MTOR: variants seen among roughly 807,000 people sequenced by gnomAD.
MTOR encodes mechanistic target of rapamycin kinase, also known as serine/threonine-protein kinase mTOR.
A neutral mutation model predicts 319.8 loss-of-function variants in MTOR; 70 were observed. The observed-to-expected ratio is 0.22, with a 90% confidence interval of 0.18 to 0.27. MTOR has a LOEUF of 0.27. Ranked by LOEUF, MTOR falls within the 10% of genes least tolerant of loss-of-function variation. MTOR has a pLI of 1.00. For synonymous variants in MTOR, 1,183 were observed against 1,211.4 expected, an observed-to-expected ratio of 0.98 and a Z score of 0.49; for missense variants, 1,890 against 3,274.4, an observed-to-expected ratio of 0.58 and a Z score of 10.32.
intron 19 of MTOR, among the ~76,000 whole-genome samples, chr1:11,218,545 G>A (rs1319312451): frequency 2.0e-5 from 3 of 152,130 alleles, no homozygotes; most frequent in African/African-American, 4.8e-5. Context: ...TAAGCTGGAG[G>A]AAAACAGGCC....
rs745775981 is a variant in MTOR, at chr1:11,228,702, T to A, written c.2996A>T (p.Asn999Ile). The change falls in exon 19 of 58, where the codon AAC becomes ATC. Residue 999 changes from asparagine (N) to isoleucine (I), a missense_variant. By Grantham distance (149) the Asn-to-Ile change is moderately radical (BLOSUM62 -3). Transcript: ENST00000361445. Reference protein sequence around the residue: ...FLPQVMPTFLNVIRVCDGAIR... With the variant: ...FLPQVMPTFLIVIRVCDGAIR... ...GGCCCCATCACAGACTCGAATGACGTTAAGGAACGTGGGCATGACCTGGGG... is the reference window on the plus strand; with the variant it reads ...GGCCCCATCACAGACTCGAATGACGATAAGGAACGTGGGCATGACCTGGGG... 2 of 1,613,978 alleles carry A rather than the reference T, an allele frequency of 1.2e-6. No homozygotes were observed. The highest frequency in any genetic ancestry group is 3.3e-5 in the Admixed American group (2 of 59,968).
intron 20 of MTOR, among the ~76,000 whole-genome samples, chr1:11,214,039 C>T (rs1646394247): frequency 6.6e-6 from 1 of 152,182 alleles, no homozygotes; most frequent in Non-Finnish European, 1.5e-5. Context: ...ATCTCTGTAT[C>T]CCCAGAATCT....
At position 11,209,383 on chromosome 1, in the gene MTOR, C is replaced by T. The variant is rs1281726992; in HGVS notation, c.3730G>A (p.Ala1244Thr). Residue 1244 changes from alanine to threonine, a missense_variant, in exon 25 of 58, where the codon GCA (alanine) becomes ACA (threonine). Coordinates refer to ENST00000361445, the MANE Select transcript of MTOR (RefSeq NM_004958.4). ...HRMLRSGQGD[A>T]LASGPVETGP... ...GTTTCCACTGGTCCACTAGCCAATG[C>T]ATCCCCTTGGCCACTCCTAAGCATC... The T allele has an allele frequency of 1.9e-6, 3 of 1,614,040 alleles. No individual in the cohort carries two copies. The highest frequency in any genetic ancestry group is 2.5e-6 in the Non-Finnish European group (3 of 1,179,998).
chr1:11,182,794 G>A (rs763343007), intron 28 of MTOR, among the ~76,000 whole-genome samples: 17 of 152,140 alleles, frequency 1.1e-4, no homozygotes, highest in Admixed American at 2.0e-4. Context: ...GCTGCACGTC[G>A]CAACAGCTTT....
intron 26 of MTOR, among the ~76,000 whole-genome samples, chr1:11,203,675 G>C (rs1646049556): frequency 6.6e-6 from 1 of 152,096 alleles, no homozygotes; most frequent in Non-Finnish European, 1.5e-5. Flanking sequence ...CTCAAAAAAA[G>C]AAAAAATAAA....
Position 11,234,242 on chromosome 1 carries a change from A to G in MTOR, c.2232T>C (p.Ser744=), listed in dbSNP as rs200165848. The G allele has an allele frequency of 2.0e-5, 33 of 1,613,890 alleles. No homozygotes were observed. In the East Asian group the frequency reaches 4.5e-4, roughly 22 times the overall value. Residue 744 remains serine, a synonymous_variant, in exon 14 of 58, where the codon AGT becomes AGC. Transcript: ENST00000361445. ...TCTGCTCTTTGATTCTTCCAATCCC[A>G]CTGTGCTCCAACTCTGTCAAAATCT... The part of the protein sequence containing the change: ...LIQILTELEH[S]GIGRIKEQSA...
At chr1:11,140,856 ATCAT>A (rs1358392377) in intron 34 of MTOR, among the ~76,000 whole-genome samples, 2 of 152,208 alleles carry the variant, frequency 1.3e-5, no homozygotes, top group Admixed American at 1.3e-4. Flanking sequence ...TTTAAAATGT[ATCAT>A]TCAAAGTTGA....
intron 20 of MTOR, 136 bp from the exon 21 acceptor site, chr1:11,213,702 C>T: frequency 3.9e-6 from 3 of 767,412 alleles, no homozygotes; most frequent in Non-Finnish European, 6.3e-6. Context: ...CACTCCCCTC[C>T]TCCCACTGGG....
chr1:11,109,653 A>C lies in MTOR; in HGVS notation c.7443T>G (p.Ser2481=). Residue 2481 remains serine, a synonymous_variant, in exon 55 of 58, where the codon TCT becomes TCG. Coordinates refer to ENST00000361445, the MANE Select transcript of MTOR (RefSeq NM_004958.4). The surrounding 1 kb of genome is among the most constrained non-coding windows in gnomAD (Gnocchi z 4.0). ...TTCCTCAGAGGCTGAACTTACTGAA[A>C]GAATGAATAGATTCTGGCACTGTGG... is the stretch of plus-strand genomic sequence containing the variant. ...TGTTVPESIH[S]FIGDGLVKPE... The C allele has an allele frequency of 2.5e-6, 4 of 1,614,106 alleles. No homozygotes were observed. Among genetic ancestry groups the C allele is most frequent in the Non-Finnish European group, 3.4e-6 (4 of 1,179,950 alleles).
intron 28 of MTOR, among the ~76,000 whole-genome samples, chr1:11,171,851 A>G (rs1644824228): frequency 6.6e-6 from 1 of 152,004 alleles, no homozygotes; most frequent in African/African-American, 2.4e-5. Context: ...GCTGGCCAAC[A>G]TGGTGAAACC....
At chr1:11,147,488 A>G (rs930110040) in intron 31 of MTOR, among the ~76,000 whole-genome samples, 2 of 152,200 alleles carry the variant, frequency 1.3e-5, no homozygotes, top group African/African-American at 4.8e-5. Flanking sequence ...TGCAGAAAAG[A>G]TATCAGCTTC....
chr1:11,241,711 G>C (rs758186482), intron 9 of MTOR, 30 bp from the exon 10 acceptor site: 1 of 1,588,668 alleles, frequency 6.3e-7, no homozygotes, highest in Non-Finnish European at 8.6e-7. Flanking sequence ...GGCTAGTTGA[G>C]ACATAATGAC....
At chr1:11,228,946 A>G (rs372991519) in intron 18 of MTOR, 28 bp from the exon 19 acceptor site, 1 of 1,610,552 alleles carries the variant, frequency 6.2e-7, no homozygotes, top group African/African-American at 1.3e-5. Context: ...AGAGTGTTAG[A>G]GCTACACATG....
chr1:11,199,174 G>T lies in MTOR; in HGVS notation c.4253+84C>A. On this transcript the variant is annotated intron_variant, in intron 28 of 57. Transcript: ENST00000361445. The surrounding 1 kb of genome is among the most constrained non-coding windows in gnomAD (Gnocchi z 4.5). ...TTTCACAGAGCAGAAGTCTTCAAGT[G>T]ACTCCAGTGAAGTGGCACCAGGCAG... 6.4e-7 allele frequency: 1 copy of T among 1,561,234 alleles called. No individual in the cohort carries two copies. The highest frequency in any genetic ancestry group is 8.8e-7 in the Non-Finnish European group (1 of 1,135,386).
At chr1:11,198,539 T>C (rs1321270149) in intron 28 of MTOR, among the ~76,000 whole-genome samples, 1 of 152,148 alleles carries the variant, frequency 6.6e-6, no homozygotes, top group Non-Finnish European at 1.5e-5. Flanking sequence ...CTAAACTATC[T>C]GCAGTGAAAT....
chr1:11,249,680 AT>A (rs993240500), intron 6 of MTOR, among the ~76,000 whole-genome samples: 7 of 138,956 alleles, frequency 5.0e-5, no homozygotes, highest in African/African-American at 1.8e-4. Flanking sequence ...ACCGCCCTTA[AT>A]CCATTTAACC....
At chr1:11,222,188 TA>T (rs202079521) in intron 19 of MTOR, among the ~76,000 whole-genome samples, 1 of 151,878 alleles carries the variant, frequency 6.6e-6, no homozygotes, top group African/African-American at 2.4e-5. Flanking sequence ...TTTTAAAATT[TA>T]TTTAAAAAAA....
At chr1:11,228,566 C>A (rs1333469018) in intron 19 of MTOR, 102 bp downstream of exon 19, 6 of 1,478,918 alleles carry the variant, frequency 4.1e-6, no homozygotes, top group Non-Finnish European at 5.5e-6. Context: ...GCATTGGGCT[C>A]AGGGGCACAG....
At chr1:11,192,171 G>T in intron 28 of MTOR, 1 of 895,762 alleles carries the variant, frequency 1.1e-6, no homozygotes, top group South Asian at 1.5e-5. Flanking sequence ...TAACACCACT[G>T]AGAATCCCAG....
Sources: allele counts gnomAD v4.1 joint callset (sites outside exome capture counted in the v4.1 genomes callset), GRCh38; gene constraint gnomAD v4.1.1; non-coding constraint Gnocchi (gnomAD v3.1); transcripts MANE v1.5; gene names NCBI Gene and HGNC (gene_info 2026-07-23, HGNC 2026-07-21).